CCSER1: variants seen among roughly 807,000 people sequenced by gnomAD.
CCSER1 encodes coiled-coil serine rich protein 1.
Under a neutral mutation model 82.0 loss-of-function variants are expected in CCSER1, and 41 were observed. The ratio of observed to expected loss-of-function variants is 0.50; its 90% CI spans 0.39 to 0.65. The LOEUF (loss-of-function observed/expected upper bound fraction) is 0.65, where lower values mean the gene tolerates loss of function less well. Among genes scored for constraint, CCSER1 ranks in the 30% least tolerant of loss-of-function variants. The pLI is 0.00. For synonymous variants in CCSER1, 414 were observed against 383.9 expected, an observed-to-expected ratio of 1.08 and a Z score of -0.92; for missense variants, 1,119 against 1,064.2, an observed-to-expected ratio of 1.05 and a Z score of -0.72.
At chr4:90,333,673 T>C (rs1739808203) in intron 3 of CCSER1, among the ~76,000 whole-genome samples, 1 of 152,184 alleles carries the variant, frequency 6.6e-6, no homozygotes, top group African/African-American at 2.4e-5. Context: ...TTTTCAAAAG[T>C]TTAAAAATGA....
At chr4:91,322,462 C>T (rs1249027525) in intron 10 of CCSER1, among the ~76,000 whole-genome samples, 2 of 151,996 alleles carry the variant, frequency 1.3e-5, no homozygotes, top group Non-Finnish European at 2.9e-5. Context: ...GTTAATAAAA[C>T]AACTACTTCT....
intron 6 of CCSER1, among the ~76,000 whole-genome samples, chr4:90,709,646 G>A (rs1382417308): frequency 6.6e-6 from 1 of 152,044 alleles, no homozygotes; most frequent in African/African-American, 2.4e-5. Flanking sequence ...AGTATATTAT[G>A]GTGTATATGT....
At chr4:90,625,420 G>A (rs1345230369) in intron 5 of CCSER1, among the ~76,000 whole-genome samples, 1 of 152,148 alleles carries the variant, frequency 6.6e-6, no homozygotes, top group East Asian at 1.9e-4. Flanking sequence ...CATAAAACAG[G>A]ATGGCTGTGC....
At chr4:90,330,783 A>C (rs753322184) in intron 3 of CCSER1, among the ~76,000 whole-genome samples, 15 of 152,176 alleles carry the variant, frequency 9.9e-5, no homozygotes, top group Admixed American at 2.6e-4. Flanking sequence ...ACGCTGCTGG[A>C]AGCCTGTAAG....
At chr4:90,821,489 A>G (rs143234786) in intron 8 of CCSER1, among the ~76,000 whole-genome samples, 240 of 152,292 alleles carry the variant, frequency 1.6e-3, no homozygotes, top group African/African-American at 5.4e-3. Flanking sequence ...TATAGGTTCT[A>G]TTTATGTTGT....
intron 7 of CCSER1, among the ~76,000 whole-genome samples, chr4:90,748,125 C>T (rs1457921031): frequency 1.4e-4 from 20 of 144,908 alleles, no homozygotes; most frequent in African/African-American, 3.6e-4. Flanking sequence ...CATGCTGGTG[C>T]GCTGCACCCA....
intron 8 of CCSER1, among the ~76,000 whole-genome samples, chr4:90,864,533 A>T (rs948132966): frequency 6.6e-6 from 1 of 151,952 alleles, no homozygotes; most frequent in Non-Finnish European, 1.5e-5. Flanking sequence ...CATCAAAAAG[A>T]TCATCATAAG....
chr4:90,294,928 A>T (rs563199733), intron 1 of CCSER1, among the ~76,000 whole-genome samples: 1 of 152,112 alleles, frequency 6.6e-6, no homozygotes, highest in Admixed American at 6.6e-5. Context: ...TTGATAATAA[A>T]TTTTGAATTG....
At chr4:90,484,136 C>T (rs1164902578) in intron 5 of CCSER1, among the ~76,000 whole-genome samples, 2 of 152,184 alleles carry the variant, frequency 1.3e-5, no homozygotes, top group East Asian at 3.9e-4. Flanking sequence ...TCTTCCATCA[C>T]TGGTACCCTT....
At chr4:91,386,601 A>G (rs1433259221) in intron 10 of CCSER1, among the ~76,000 whole-genome samples, 1 of 152,124 alleles carries the variant, frequency 6.6e-6, no homozygotes, top group African/African-American at 2.4e-5. Context: ...GATGCGGAGC[A>G]TGGTTTAAAG....
intron 1 of CCSER1, among the ~76,000 whole-genome samples, chr4:90,252,712 C>G (rs767643118): frequency 4.0e-5 from 6 of 151,750 alleles, no homozygotes; most frequent in Non-Finnish European, 8.8e-5. Flanking sequence ...TTATCAAATA[C>G]TAGGCCAATT....
At chr4:91,322,012 G>A (rs1746231924) in intron 10 of CCSER1, among the ~76,000 whole-genome samples, 1 of 151,944 alleles carries the variant, frequency 6.6e-6, no homozygotes, top group Admixed American at 6.6e-5. Flanking sequence ...AACATTTTAG[G>A]ATAAATCAAG....
At chr4:90,782,952 G>C (rs1281429948) in intron 7 of CCSER1, among the ~76,000 whole-genome samples, 2 of 149,120 alleles carry the variant, frequency 1.3e-5, no homozygotes, top group African/African-American at 5.0e-5. Flanking sequence ...AGTGCGTTTT[G>C]AGACGGAGTC....
chr4:91,470,823 C>T (rs900645653), intron 10 of CCSER1, among the ~76,000 whole-genome samples: 1 of 152,064 alleles, frequency 6.6e-6, no homozygotes, highest in African/African-American at 2.4e-5. Flanking sequence ...CAAATAAGAA[C>T]GTGTAATTCC....
chr4:91,184,666 T>C (rs1332364408), intron 10 of CCSER1, among the ~76,000 whole-genome samples: 1 of 152,204 alleles, frequency 6.6e-6, no homozygotes, highest in Non-Finnish European at 1.5e-5. Context: ...TGTTAACCAT[T>C]TTAAAGGTAT....
At chr4:90,757,360 C>G (rs555053661) in intron 7 of CCSER1, among the ~76,000 whole-genome samples, 1 of 152,246 alleles carries the variant, frequency 6.6e-6, no homozygotes, top group African/African-American at 2.4e-5. Context: ...ATGGAACTCC[C>G]GTATCATTCA....
intron 10 of CCSER1, among the ~76,000 whole-genome samples, chr4:91,353,323 G>A (rs555749580): frequency 1.2e-4 from 18 of 152,284 alleles, no homozygotes; most frequent in South Asian, 8.3e-4. Context: ...GGTCCGTGAC[G>A]GGCTGCATGC....
intron 10 of CCSER1, among the ~76,000 whole-genome samples, chr4:91,508,769 T>C (rs772561075): frequency 3.9e-5 from 6 of 151,970 alleles, no homozygotes; most frequent in Non-Finnish European, 8.8e-5. Context: ...ATTCAGTTTC[T>C]TCACTTTTTT....
At chr4:90,334,355 A>G (rs1554005653) in intron 3 of CCSER1, among the ~76,000 whole-genome samples, 2 of 151,656 alleles carry the variant, frequency 1.3e-5, no homozygotes, top group Non-Finnish European at 3.0e-5. Flanking sequence ...ACAAACAGAT[A>G]GGCCTTCTGG....
Sources: allele counts gnomAD v4.1 joint callset (sites outside exome capture counted in the v4.1 genomes callset), GRCh38; gene constraint gnomAD v4.1.1; transcripts MANE v1.5; gene names NCBI Gene and HGNC (gene_info 2026-07-23, HGNC 2026-07-21).